Variants in DLG1 observed in about 807,000 individuals in gnomAD.
DLG1 encodes disks large homolog 1.
Under a neutral mutation model 123.4 loss-of-function variants are expected in DLG1, and 42 were observed. The ratio of observed to expected loss-of-function variants is 0.34; its 90% CI spans 0.27 to 0.44. The LOEUF is 0.44. Ranked by LOEUF, DLG1 falls within the 20% of genes least tolerant of loss-of-function variation. The probability of loss-of-function intolerance (pLI) is 1.00; values close to 1 mark genes in which losing one functional copy is unlikely to be tolerated. For missense variants in DLG1, 942 were observed against 1,082.6 expected (o/e 0.87, Z 1.82); for synonymous variants, 317 against 356.2 (o/e 0.89, Z 1.24).
Position 197,085,769 on chromosome 3 carries a change from GA to G in DLG1, c.1662-14del, listed in dbSNP as rs906115591. 2 of 1,598,240 alleles carry G rather than the reference GA, an allele frequency of 1.3e-6. No individual in the cohort carries two copies. The highest frequency in any genetic ancestry group is 2.3e-5 in the South Asian group (2 of 88,164). ...ATCAAAAAGGGCTCTAGAGTCAGAA[GA>G]AAAAAAGTCCATAATCACTTGTTAT... On this transcript the variant is annotated splice_polypyrimidine_tract_variant and intron_variant, in intron 15 of 24. Transcript: ENST00000667157.
intron 11 of DLG1, among the ~76,000 whole-genome samples, chr3:197,124,142 G>C (rs971429157): frequency 7.2e-5 from 11 of 152,174 alleles, no homozygotes; most frequent in Admixed American, 5.9e-4. Context: ...GATGTGGGAG[G>C]ATGGCCTGAG....
intron 19 of DLG1, among the ~76,000 whole-genome samples, chr3:197,068,725 T>G (rs577976994): frequency 6.6e-6 from 1 of 152,186 alleles, no homozygotes; most frequent in Non-Finnish European, 1.5e-5. Context: ...AAAATTAGTA[T>G]TATTTTTCAG....
chr3:197,209,407 T>C (rs917362747), intron 4 of DLG1, among the ~76,000 whole-genome samples: 1 of 146,352 alleles, frequency 6.8e-6, no homozygotes, highest in Non-Finnish European at 1.5e-5. Flanking sequence ...CAACAGAAAC[T>C]AAAGGGAGAA....
chr3:197,132,463 A>C (rs966880659), intron 10 of DLG1, among the ~76,000 whole-genome samples: 1 of 152,264 alleles, frequency 6.6e-6, no homozygotes, highest in African/African-American at 2.4e-5. Context: ...TCACAGAATA[A>C]TAATTTCCCT....
At chr3:197,230,391 C>T (rs1413729064) in intron 4 of DLG1, among the ~76,000 whole-genome samples, 3 of 152,098 alleles carry the variant, frequency 2.0e-5, no homozygotes, top group African/African-American at 7.2e-5. Context: ...AAGAGCAACA[C>T]CCAACCAAAC....
chr3:197,201,010 A>G (rs1237543853), intron 4 of DLG1, among the ~76,000 whole-genome samples: 1 of 152,216 alleles, frequency 6.6e-6, no homozygotes, highest in African/African-American at 2.4e-5. Context: ...GAAAAAACAA[A>G]AGGCATCCAA....
intron 4 of DLG1, among the ~76,000 whole-genome samples, chr3:197,243,687 T>G (rs1181656389): frequency 6.6e-6 from 1 of 152,194 alleles, no homozygotes; most frequent in Non-Finnish European, 1.5e-5. Flanking sequence ...GTTGAGCTAT[T>G]CTTTTAATGG....
At chr3:197,067,727 T>C (rs1285129558) in intron 19 of DLG1, among the ~76,000 whole-genome samples, 1 of 152,014 alleles carries the variant, frequency 6.6e-6, no homozygotes, top group East Asian at 1.9e-4. Context: ...CCAGCTAATT[T>C]TGTATTTTTA....
intron 4 of DLG1, among the ~76,000 whole-genome samples, chr3:197,206,239 A>G (rs1728453279): frequency 6.6e-6 from 1 of 152,202 alleles, no homozygotes; most frequent in African/African-American, 2.4e-5. Context: ...TTCTTCTAAG[A>G]TGGCATTTAA....
chr3:197,142,832 A>G, intron 6 of DLG1, 64 bp from the exon 7 acceptor site: 1 of 1,304,626 alleles, frequency 7.7e-7, no homozygotes, highest in Non-Finnish European at 1.1e-6. Flanking sequence ...GGCAAGGCAA[A>G]ATTTTTGTAT....
At chr3:197,268,724 T>A (rs1235502668) in intron 4 of DLG1, among the ~76,000 whole-genome samples, 1 of 152,094 alleles carries the variant, frequency 6.6e-6, no homozygotes, top group Non-Finnish European at 1.5e-5. Context: ...ATAAATTAAA[T>A]TTTTTAACTT....
chr3:197,237,148 AAG>A (rs1301358986), intron 4 of DLG1, among the ~76,000 whole-genome samples: 1 of 152,230 alleles, frequency 6.6e-6, no homozygotes, highest in African/African-American at 2.4e-5. Context: ...TTCCAATTGA[AAG>A]AGAGCGTAGA....
At chr3:197,241,541 G>A (rs1260388543) in intron 4 of DLG1, among the ~76,000 whole-genome samples, 1 of 152,044 alleles carries the variant, frequency 6.6e-6, no homozygotes, top group African/African-American at 2.4e-5. Context: ...TTGTAATTGT[G>A]GTATGCAATC....
intron 5 of DLG1, among the ~76,000 whole-genome samples, chr3:197,193,886 C>G (rs1353291859): frequency 6.6e-6 from 1 of 150,752 alleles, no homozygotes; most frequent in African/African-American, 2.4e-5. Flanking sequence ...GTGGCGTAAT[C>G]TAGGCTCACT....
intron 15 of DLG1, among the ~76,000 whole-genome samples, chr3:197,087,397 T>TGTG (rs952835909): frequency 8.0e-5 from 12 of 149,440 alleles, no homozygotes; most frequent in Non-Finnish European, 1.6e-4. Context: ...AAGACTCAGG[T>TGTG]GTGGTGGTGG....
intron 11 of DLG1, among the ~76,000 whole-genome samples, chr3:197,125,417 AGG>A (rs1778529086): frequency 6.6e-6 from 1 of 152,166 alleles, no homozygotes; most frequent in Non-Finnish European, 1.5e-5. Flanking sequence ...GCGAAGAAGA[AGG>A]GGGCAAAGGA....
intron 16 of DLG1, among the ~76,000 whole-genome samples, chr3:197,081,349 T>C (rs1326314092): frequency 6.6e-6 from 1 of 152,222 alleles, no homozygotes; most frequent in African/African-American, 2.4e-5. Flanking sequence ...TATATATGTG[T>C]ATATTTTTAT....
intron 4 of DLG1, among the ~76,000 whole-genome samples, chr3:197,223,017 T>C (rs774919550): frequency 1.3e-5 from 2 of 152,216 alleles, no homozygotes; most frequent in Non-Finnish European, 2.9e-5. Flanking sequence ...CTGTGCCTAC[T>C]ATTTTGAAAT....
At chr3:197,167,345 C>T (rs757113893) in intron 5 of DLG1, among the ~76,000 whole-genome samples, 14 of 152,174 alleles carry the variant, frequency 9.2e-5, no homozygotes, top group Non-Finnish European at 1.9e-4. Context: ...AGTGAAACGT[C>T]CATTCCAGTG....
Sources: gnomAD v4.1 joint callset for allele counts (sites outside exome capture counted in the v4.1 genomes callset) on GRCh38, gnomAD v4.1.1 for gene constraint, MANE v1.5 for transcripts, NCBI Gene and HGNC (gene_info 2026-07-23, HGNC 2026-07-21) for gene names.